CLVS1: variants seen among roughly 807,000 people sequenced by gnomAD.
CLVS1 encodes the protein clavesin 1, also known as clavesin-1.
A neutral mutation model predicts 33.1 loss-of-function variants in CLVS1; 10 were observed. That is an observed-to-expected ratio of 0.30 (90% CI 0.19 to 0.51). The LOEUF (loss-of-function observed/expected upper bound fraction) is 0.51, where lower values mean the gene tolerates loss of function less well. CLVS1 is among the 20% of genes least tolerant of loss of function. The pLI, the probability that CLVS1 is intolerant of heterozygous loss-of-function variation, is 0.97. For synonymous variants in CLVS1, 163 were observed against 166.1 expected (o/e 0.98, Z 0.14); for missense variants, 343 against 433.4 (o/e 0.79, Z 1.85).
At chr8:61,352,559 TAAAA>T (rs1009405983) in intron 2 of CLVS1, among the ~76,000 whole-genome samples, 7 of 151,784 alleles carry the variant, frequency 4.6e-5, no homozygotes, top group African/African-American at 1.7e-4. Flanking sequence ...AGACTGAAAG[TAAAA>T]AGATATATCA....
chr8:61,168,612 C>T (rs1806928451), intron 2 of CLVS1, among the ~76,000 whole-genome samples: 1 of 152,086 alleles, frequency 6.6e-6, no homozygotes, highest in South Asian at 2.1e-4. Context: ...TTGTTTCTTC[C>T]AACGTCTGGC....
At chr8:61,207,112 T>C (rs562559013) in intron 2 of CLVS1, among the ~76,000 whole-genome samples, 1 of 152,312 alleles carries the variant, frequency 6.6e-6, no homozygotes, top group African/African-American at 2.4e-5. Flanking sequence ...CAAAATGCCT[T>C]AGCATCGCAA....
chr8:61,474,761 C>T (rs984362438), intron 5 of CLVS1, among the ~76,000 whole-genome samples: 4 of 152,082 alleles, frequency 2.6e-5, no homozygotes, highest in Non-Finnish European at 5.9e-5. Flanking sequence ...GAGAAGTTCC[C>T]GAGGACTCTA....
chr8:61,487,692 C>A (rs962824223), intron 5 of CLVS1, among the ~76,000 whole-genome samples: 1 of 152,198 alleles, frequency 6.6e-6, no homozygotes, highest in Admixed American at 6.5e-5. Context: ...AAACCCCATC[C>A]CTAGTGGGGA....
intron 2 of CLVS1, among the ~76,000 whole-genome samples, chr8:61,271,321 G>A (rs1262789538): frequency 7.3e-5 from 11 of 150,814 alleles, no homozygotes; most frequent in East Asian, 2.0e-4. Context: ...GGAGTTGAGC[G>A]GTTTTGAGTG....
At chr8:60,990,555 A>C in the CLVS1 span, among the ~76,000 whole-genome samples, 7 of 152,184 alleles carry the variant, frequency 4.6e-5, no homozygotes, top group African/African-American at 1.7e-4. Context: ...CCAGGAGTCT[A>C]TTATGTCTAC....
the CLVS1 span, among the ~76,000 whole-genome samples, chr8:60,989,891 C>T: frequency 2.6e-5 from 4 of 151,856 alleles, no homozygotes; most frequent in Non-Finnish European, 4.4e-5. Flanking sequence ...TTTGGGAGGC[C>T]GAGGCGGGCG....
chr8:61,248,416 A>G lies in CLVS1; in HGVS notation c.-151-51261A>G, dbSNP rs183409916. Among the ~76,000 whole-genome samples, 77 of 152,300 alleles carry G rather than the reference A, an allele frequency of 5.1e-4. 1 individual carries two copies. The highest frequency in any genetic ancestry group is 1.2e-3 in the Admixed American group (18 of 15,284). ...TTAATGATATTGATTCTTCCTATCC[A>G]TGAGCCTGGGATGCTTTTCCATTTG... On this transcript the variant is annotated intron_variant, in intron 2 of 2. Transcript: ENST00000522621.
At chr8:61,045,422 G>A in the CLVS1 span, among the ~76,000 whole-genome samples, 10 of 152,276 alleles carry the variant, frequency 6.6e-5, no homozygotes, top group Admixed American at 5.9e-4. Flanking sequence ...TATGGCAAAG[G>A]AAGTGTGGCA....
intron 2 of CLVS1, among the ~76,000 whole-genome samples, chr8:61,335,824 A>T (rs1811779438): frequency 6.6e-6 from 1 of 152,226 alleles, no homozygotes; most frequent in South Asian, 2.1e-4. Flanking sequence ...AGGGGAGCAG[A>T]TATCAAAGCA....
intron 2 of CLVS1, among the ~76,000 whole-genome samples, chr8:61,243,379 C>T (rs1808737139): frequency 6.6e-6 from 1 of 152,186 alleles, no homozygotes; most frequent in African/African-American, 2.4e-5. Context: ...AATTTATATA[C>T]AGACTGGTAT....
intron 2 of CLVS1, among the ~76,000 whole-genome samples, chr8:61,162,102 T>C (rs753937979): frequency 2.0e-5 from 3 of 152,220 alleles, no homozygotes; most frequent in Non-Finnish European, 4.4e-5. Flanking sequence ...TCCCAGAGCT[T>C]GGAGAAACTT....
chr8:61,369,494 G>C (rs550854257), intron 2 of CLVS1, among the ~76,000 whole-genome samples: 3 of 152,234 alleles, frequency 2.0e-5, no homozygotes, highest in Admixed American at 6.5e-5. Context: ...CCTAGAAGAG[G>C]AGAAAATAAG....
At chr8:61,410,502 A>G (rs1354124862) in intron 3 of CLVS1, among the ~76,000 whole-genome samples, 1 of 152,200 alleles carries the variant, frequency 6.6e-6, no homozygotes, top group African/African-American at 2.4e-5. Flanking sequence ...TTGATTATCC[A>G]AAGCCCATTG....
intron 5 of CLVS1, among the ~76,000 whole-genome samples, chr8:61,472,244 T>G (rs1263490372): frequency 2.0e-5 from 3 of 152,244 alleles, no homozygotes; most frequent in African/African-American, 7.2e-5. Context: ...AGATCATATG[T>G]TTCCCAAGGG....
At chr8:60,998,388 A>C in the CLVS1 span, among the ~76,000 whole-genome samples, 3 of 152,146 alleles carry the variant, frequency 2.0e-5, no homozygotes, top group Admixed American at 2.0e-4. Context: ...ACAATGTCAC[A>C]CCGGAATACC....
intron 2 of CLVS1, among the ~76,000 whole-genome samples, chr8:61,339,933 TAAAA>T (rs1363867912): frequency 4.5e-5 from 5 of 110,030 alleles, no homozygotes; most frequent in East Asian, 2.6e-4. Flanking sequence ...GAAAGAAAGA[TAAAA>T]GAAAGAGAGG....
At chr8:61,306,505 T>C (rs1810632021) in intron 2 of CLVS1, among the ~76,000 whole-genome samples, 1 of 152,238 alleles carries the variant, frequency 6.6e-6, no homozygotes, top group African/African-American at 2.4e-5. Flanking sequence ...ACTCTGTTGA[T>C]AGTTTCTTTT....
At chr8:61,455,239 A>C (rs1817107686) in intron 4 of CLVS1, among the ~76,000 whole-genome samples, 1 of 150,864 alleles carries the variant, frequency 6.6e-6, no homozygotes, top group African/African-American at 2.4e-5. Flanking sequence ...TACTCAGCCA[A>C]TTTCAAATAA....
Sources: allele counts gnomAD v4.1 joint callset (sites outside exome capture counted in the v4.1 genomes callset), GRCh38; gene constraint gnomAD v4.1.1; transcripts MANE v1.5; gene names NCBI Gene and HGNC (gene_info 2026-07-23, HGNC 2026-07-21).